The following TLCD4 variants were observed in gnomAD, a reference collection of about 807,000 sequenced individuals.
The protein encoded by TLCD4 is TLC domain containing 4.
In TLCD4, 7 loss-of-function variants were observed where a neutral mutation model predicts 24.2. That is an observed-to-expected ratio of 0.29 (90% confidence interval 0.16 to 0.54). The LOEUF is 0.54. Ranked by LOEUF, TLCD4 falls within the 20% of genes least tolerant of loss-of-function variation. The pLI is 0.95. For missense variants in TLCD4, 259 were observed against 313.9 expected (o/e 0.82, Z 1.32); for synonymous variants, 103 against 106.4 (o/e 0.97, Z 0.20).
rs189997401 is a variant in TLCD4 at position 95,119,468 on chromosome 1, C to T, written c.-12+1851C>T. Among the ~76,000 whole-genome samples the T allele has an allele frequency of 1.1e-4, 17 of 152,266 alleles. No homozygotes were observed. The East Asian group carries it at 2.9e-3, about 26-fold the overall frequency. On this transcript the variant is annotated intron_variant, in intron 1 of 6. Coordinates refer to ENST00000370203, the MANE Select transcript of TLCD4 (RefSeq NM_152487.3). The stretch of plus-strand genomic sequence containing the variant: ...CTTTGTAGGTGTTGGAGAGTCCTCC[C>T]TGTAACCAGATAACTAGTAGGAAGT...
chr1:95,153,722 G>A (rs748818514), intron 5 of TLCD4, among the ~76,000 whole-genome samples: 1 of 152,136 alleles, frequency 6.6e-6, no homozygotes. Context: ...CTAGTTAACT[G>A]TAGAGAGGAG....
chr1:95,173,469 C>A (rs566900234), intron 5 of TLCD4, among the ~76,000 whole-genome samples: 2 of 152,298 alleles, frequency 1.3e-5, no homozygotes, highest in South Asian at 4.1e-4. Context: ...GCCACGTGAT[C>A]ATTCTTTTCT....
rs560629382 is a variant in TLCD4, at chr1:95,148,046, G to A, written c.156-656G>A. Among the ~76,000 whole-genome samples, 17 of 152,060 alleles carry A rather than the reference G, an allele frequency of 1.1e-4. No homozygotes were observed. The South Asian group carries it at 2.5e-3, about 22-fold the overall frequency. On this transcript the variant is annotated intron_variant, in intron 2 of 6. Coordinates refer to ENST00000370203, the MANE Select transcript of TLCD4 (RefSeq NM_152487.3). ...TATTTCTTTTAAAAACAAATTTTCCGTATACATTTATGGTCCTCAATTTTT... is the reference window on the plus strand; with the variant it reads ...TATTTCTTTTAAAAACAAATTTTCCATATACATTTATGGTCCTCAATTTTT...
At chr1:95,147,828 A>T (rs948794326) in intron 2 of TLCD4, among the ~76,000 whole-genome samples, 1 of 152,202 alleles carries the variant, frequency 6.6e-6, no homozygotes, top group Non-Finnish European at 1.5e-5. Context: ...GGGTAAAAAA[A>T]CTTTATTGTA....
intron 1 of TLCD4, chr1:95,120,107 C>T (rs1483536008): frequency 6.6e-6 from 1 of 152,164 alleles, no homozygotes; most frequent in Non-Finnish European, 1.5e-5. Flanking sequence ...CCCTGTTGTG[C>T]TTTTTCTTCT....
rs755292838 is a variant in TLCD4 at position 95,148,789 on chromosome 1, T to G, written c.243T>G (p.Leu81=). 1 of 1,611,988 alleles carries G rather than the reference T, an allele frequency of 6.2e-7. No homozygotes were observed. ...LFDEATKADP[L]WGGPSLANVN... The stretch of plus-strand genomic sequence containing the variant: ...ATGAGGCTACTAAAGCTGATCCACT[T>G]TGGTAAGCTGTTTCTTTTTCTAAGA... Residue 81 remains leucine, a splice_region_variant and synonymous_variant, in exon 3 of 7, where the codon CTT becomes CTG. Coordinates refer to ENST00000370203, the MANE Select transcript of TLCD4 (RefSeq NM_152487.3).
rs1175112724 is a variant in TLCD4, at chr1:95,191,684, A to T, written c.608A>T (p.Tyr203Phe). The change falls in exon 7 of 7, where the codon TAT becomes TTT. Residue 203 changes from tyrosine (Y) to phenylalanine (F), a missense_variant. Coordinates refer to ENST00000370203, the MANE Select transcript of TLCD4 (RefSeq NM_152487.3). ...CATTATGGCTTCATGTATTCCGTGT[A>T]TGGAACAGAACCCTACATAAGGCTT... Reference protein sequence around the residue: ...LPHYGFMYSVYGTEPYIRLGV... With the variant: ...LPHYGFMYSVFGTEPYIRLGV... 7 of 1,614,042 alleles carry T rather than the reference A, an allele frequency of 4.3e-6. No individual in the cohort carries two copies. In the Admixed American group the frequency reaches 8.3e-5, roughly 19 times the overall value.
chr1:95,092,748 G>A, the TLCD4 span, among the ~76,000 whole-genome samples: 3 of 152,168 alleles, frequency 2.0e-5, no homozygotes, highest in Admixed American at 6.5e-5. Flanking sequence ...GCGAAGGTCC[G>A]CGGCTTCATT....
At chr1:95,179,019 A>G (rs1044911507) in intron 6 of TLCD4, among the ~76,000 whole-genome samples, 2 of 151,724 alleles carry the variant, frequency 1.3e-5, no homozygotes, top group African/African-American at 4.8e-5. Flanking sequence ...AATATTTCTC[A>G]CCTTTACCAC....
At chr1:95,118,815 G>C (rs1676499774) in intron 1 of TLCD4, among the ~76,000 whole-genome samples, 1 of 152,192 alleles carries the variant, frequency 6.6e-6, no homozygotes, top group Admixed American at 6.5e-5. Flanking sequence ...AACGAAATTA[G>C]AAAAGTGTAT....
chr1:95,175,745 T>A (rs1334388013), intron 6 of TLCD4, among the ~76,000 whole-genome samples: 3 of 152,090 alleles, frequency 2.0e-5, no homozygotes, highest in Non-Finnish European at 2.9e-5. Flanking sequence ...GGAGGTGGTA[T>A]GTCATGTGTT....
intron 5 of TLCD4, among the ~76,000 whole-genome samples, chr1:95,172,082 T>C (rs1383333668): frequency 6.6e-6 from 1 of 152,228 alleles, no homozygotes; most frequent in African/African-American, 2.4e-5. Context: ...CCTAGTTGCC[T>C]GCAGAGAGCT....
intron 6 of TLCD4, 135 bp downstream of exon 6, chr1:95,174,024 C>G (rs1470483246): frequency 7.7e-7 from 1 of 1,290,952 alleles, no homozygotes; most frequent in African/African-American, 1.5e-5. Flanking sequence ...CACCATCATA[C>G]AAATGAGGAA....
At chr1:95,135,559 G>A (rs1035063231) in intron 1 of TLCD4, among the ~76,000 whole-genome samples, 1 of 151,794 alleles carries the variant, frequency 6.6e-6, no homozygotes, top group African/African-American at 2.4e-5. Context: ...CACCACGCCC[G>A]GCTAATTTTT....
intron 1 of TLCD4, among the ~76,000 whole-genome samples, chr1:95,136,665 A>G (rs77673529): frequency 0.042 from 6,372 of 152,280 alleles, 190 homozygotes; most frequent in Admixed American, 0.075. Flanking sequence ...TTGTTGATCT[A>G]GCCACTTTTT....
the TLCD4 span, among the ~76,000 whole-genome samples, chr1:95,101,228 C>A: frequency 6.6e-6 from 1 of 151,856 alleles, no homozygotes; most frequent in Non-Finnish European, 1.5e-5. Flanking sequence ...CTTTACTGTA[C>A]ACCTTACTGG....
chr1:95,158,249 A>G (rs1677686582), intron 5 of TLCD4, among the ~76,000 whole-genome samples: 1 of 143,538 alleles, frequency 7.0e-6, no homozygotes, highest in Non-Finnish European at 1.5e-5. Flanking sequence ...GTGCAGTGGC[A>G]CTGTCAGGGC....
At chr1:95,118,232 A>C (rs1354762253) in intron 1 of TLCD4, 1 of 152,106 alleles carries the variant, frequency 6.6e-6, no homozygotes, top group Non-Finnish European at 1.5e-5. Context: ...CGGAGGGAGA[A>C]ATTGGTTTCT....
chr1:95,132,043 A>T (rs1040584412), intron 1 of TLCD4, among the ~76,000 whole-genome samples: 1 of 152,162 alleles, frequency 6.6e-6, no homozygotes, highest in Non-Finnish European at 1.5e-5. Flanking sequence ...TCCCTCTTTG[A>T]CCTTCTCCAC....
Sources: allele counts gnomAD v4.1 joint callset (sites outside exome capture counted in the v4.1 genomes callset), GRCh38; gene constraint gnomAD v4.1.1; transcripts MANE v1.5; gene names NCBI Gene and HGNC (gene_info 2026-07-23, HGNC 2026-07-21).